RMST: variants seen among roughly 807,000 people sequenced by gnomAD.
RMST encodes long intergenic non-protein coding RNA 54.
chr12:97,528,666 C>T (rs1881349163), intron 10 of RMST, among the ~76,000 whole-genome samples: 1 of 152,136 alleles, frequency 6.6e-6, no homozygotes, highest in African/African-American at 2.4e-5. Context: ...AGTTTGAATA[C>T]ATATGTCATT....
intron 11 of RMST, among the ~76,000 whole-genome samples, chr12:97,537,028 A>C (rs1882128265): frequency 6.6e-6 from 1 of 151,538 alleles, no homozygotes; most frequent in Non-Finnish European, 1.5e-5. Context: ...TGAATGAAAA[A>C]GCAACTAAAG....
intron 10 of RMST, among the ~76,000 whole-genome samples, chr12:97,511,498 A>AT (rs888953408): frequency 2.0e-5 from 3 of 151,994 alleles, no homozygotes; most frequent in Non-Finnish European, 4.4e-5. Context: ...ATTTCTTGCT[A>AT]TTTTTTCCTT....
At chr12:97,530,708 T>C (rs1478288073) in exon 11 of RMST, 1 of 152,120 alleles carries the variant, frequency 6.6e-6, no homozygotes, top group African/African-American at 2.4e-5. Context: ...ACAAAGTTGC[T>C]ACTACATCTG....
At chr12:97,564,368 C>A (rs1884376273) in exon 14 of RMST, 1 of 155,774 alleles carries the variant, frequency 6.4e-6, no homozygotes, top group Non-Finnish European at 1.4e-5. Context: ...TCCTGAGAGC[C>A]ATAAATCCGC....
intron 5 of RMST, among the ~76,000 whole-genome samples, chr12:97,473,845 A>C (rs2136396202): frequency 6.6e-6 from 1 of 152,282 alleles, no homozygotes. Context: ...AAAGAATTGG[A>C]AAACTTCACT....
intron 5 of RMST, chr12:97,483,454 T>C (rs1440095771): frequency 2.0e-5 from 3 of 152,176 alleles, no homozygotes; most frequent in African/African-American, 4.8e-5. Flanking sequence ...ATGGGCATAA[T>C]GTTCTGGATG....
In RMST at chr12:97,540,875, A is replaced by G. The variant is rs115241404; in HGVS notation, n.1545+10016A>G. On this transcript the variant is annotated intron_variant and non_coding_transcript_variant, in intron 11 of 13. Coordinates refer to ENST00000640149, the Ensembl canonical transcript of RMST. Reference sequence around the variant, plus strand: ...ACTCATTAATTTACTTAAACTTCTAAGCAGTAAAATTTCCAATCACTGTGA... The same window carrying G: ...ACTCATTAATTTACTTAAACTTCTAGGCAGTAAAATTTCCAATCACTGTGA... 4.8e-3 allele frequency among the ~76,000 whole-genome samples: 726 copies of G among 151,650 alleles called. 6 individuals carry two copies. The highest frequency in any genetic ancestry group is 0.016 in the African/African-American group (671 of 41,470).
intron 4 of RMST, among the ~76,000 whole-genome samples, chr12:97,464,139 T>C (rs1295927096): frequency 6.6e-6 from 1 of 152,162 alleles, no homozygotes; most frequent in African/African-American, 2.4e-5. Flanking sequence ...AGTGTACACA[T>C]AGATGAGAAT....
intron 4 of RMST, among the ~76,000 whole-genome samples, chr12:97,464,007 T>C (rs1872886398): frequency 6.6e-6 from 1 of 152,072 alleles, no homozygotes; most frequent in Admixed American, 6.5e-5. Flanking sequence ...TTCGAGGAAA[T>C]AAGAAATAAT....
At chr12:97,527,126 A>G (rs1172315729) in intron 10 of RMST, among the ~76,000 whole-genome samples, 1 of 152,162 alleles carries the variant, frequency 6.6e-6, no homozygotes, top group Non-Finnish European at 1.5e-5. Flanking sequence ...ACTAATATAC[A>G]TATGAGGCTT....
At chr12:97,485,249 T>C (rs1426149367) in intron 5 of RMST, among the ~76,000 whole-genome samples, 1 of 152,204 alleles carries the variant, frequency 6.6e-6, no homozygotes, top group Non-Finnish European at 1.5e-5. Context: ...AATTAGCCAC[T>C]GATAATCATA....
chr12:97,501,084 C>G (rs1177723127), intron 10 of RMST, among the ~76,000 whole-genome samples: 2 of 152,154 alleles, frequency 1.3e-5, no homozygotes, highest in African/African-American at 2.4e-5. Flanking sequence ...AACAGCCAGC[C>G]ACAGACAAGG....
At chr12:97,504,301 G>A (rs1215570081) in intron 10 of RMST, among the ~76,000 whole-genome samples, 3 of 151,692 alleles carry the variant, frequency 2.0e-5, no homozygotes, top group African/African-American at 7.3e-5. Flanking sequence ...ATACTTGGGA[G>A]GCTGAGGCAG....
At chr12:97,493,197 C>T (rs1204072194) in exon 7 of RMST, 1 of 152,570 alleles carries the variant, frequency 6.6e-6, no homozygotes, top group Non-Finnish European at 1.5e-5. Flanking sequence ...GAGACTGTTT[C>T]TACAGGTGTC....
chr12:97,544,305 A>C (rs1243959988), intron 11 of RMST, among the ~76,000 whole-genome samples: 1 of 152,106 alleles, frequency 6.6e-6, no homozygotes, highest in Non-Finnish European at 1.5e-5. Flanking sequence ...CATATTATAT[A>C]ACTTTTAGTA....
chr12:97,561,211 A>G (rs1323651773), intron 13 of RMST, among the ~76,000 whole-genome samples: 1 of 152,172 alleles, frequency 6.6e-6, no homozygotes, highest in Non-Finnish European at 1.5e-5. Flanking sequence ...GTTATTTACT[A>G]TGACTAATTT....
intron 5 of RMST, among the ~76,000 whole-genome samples, chr12:97,487,206 A>C (rs1281016738): frequency 2.0e-5 from 3 of 152,162 alleles, no homozygotes; most frequent in Non-Finnish European, 4.4e-5. Context: ...ATTCACATTC[A>C]TTTCTTTAAG....
At chr12:97,531,689 A>G (rs567306122) in intron 11 of RMST, among the ~76,000 whole-genome samples, 3 of 152,118 alleles carry the variant, frequency 2.0e-5, no homozygotes, top group Admixed American at 6.6e-5. Flanking sequence ...CCACCATTAC[A>G]ATATCAAGGC....
At chr12:97,482,286 C>G (rs1479196857) in intron 5 of RMST, among the ~76,000 whole-genome samples, 1 of 152,110 alleles carries the variant, frequency 6.6e-6, no homozygotes, top group Non-Finnish European at 1.5e-5. Context: ...GAATACTCTT[C>G]TCTTCTGTGG....
Sources: gnomAD v4.1 joint callset for allele counts (sites outside exome capture counted in the v4.1 genomes callset) on GRCh38, gnomAD v4.1.1 for gene constraint, MANE v1.5 for transcripts, NCBI Gene and HGNC (gene_info 2026-07-23, HGNC 2026-07-21) for gene names.